Variants in PRELID2 observed in about 807,000 individuals in gnomAD.
The protein encoded by PRELID2 is PRELI domain-containing protein 2.
In PRELID2, 25 loss-of-function variants were observed where a neutral mutation model predicts 28.4. The ratio of observed to expected loss-of-function variants is 0.88; its 90% CI spans 0.64 to 1.23. The LOEUF (loss-of-function observed/expected upper bound fraction) is 1.23. Ranked by LOEUF, PRELID2 falls within the 50% of genes most tolerant of loss-of-function variation. The pLI is 0.00. For synonymous variants in PRELID2, 76 were observed against 71.6 expected (o/e 1.06, Z -0.31); for missense variants, 201 against 214.4 (o/e 0.94, Z 0.39).
chr5:145,559,775 A>G (rs1752910895), intron 1 of PRELID2, among the ~76,000 whole-genome samples: 1 of 152,020 alleles, frequency 6.6e-6, no homozygotes, highest in African/African-American at 2.4e-5. Flanking sequence ...TCAATGTGGA[A>G]CATTTCTCAA....
intron 1 of PRELID2, among the ~76,000 whole-genome samples, chr5:145,703,513 G>T (rs567101372): frequency 6.6e-6 from 1 of 152,184 alleles, no homozygotes; most frequent in African/African-American, 2.4e-5. Context: ...CCAGGGAAAA[G>T]AAAATGTCAG....
intron 1 of PRELID2, among the ~76,000 whole-genome samples, chr5:145,598,874 A>G (rs558650255): frequency 1.3e-5 from 2 of 152,228 alleles, no homozygotes; most frequent in Non-Finnish European, 2.9e-5. Context: ...ATGGTAAGAA[A>G]GAGTTTGCTA....
At chr5:145,608,353 C>T (rs73311530) in intron 1 of PRELID2, among the ~76,000 whole-genome samples, 5,325 of 152,166 alleles carry the variant, frequency 0.035, 283 homozygotes, top group African/African-American at 0.12. Flanking sequence ...TCTCCATACT[C>T]AAGTGTGTCT....
chr5:145,316,743 T>G, the PRELID2 span, among the ~76,000 whole-genome samples: 1 of 152,208 alleles, frequency 6.6e-6, no homozygotes, highest in African/African-American at 2.4e-5. Flanking sequence ...AATACCATGT[T>G]TCCCAGCTTG....
the PRELID2 span, among the ~76,000 whole-genome samples, chr5:145,289,903 T>G: frequency 6.6e-6 from 1 of 152,230 alleles, no homozygotes; most frequent in Non-Finnish European, 1.5e-5. Context: ...ATATGTTTTT[T>G]GGTGAGGTAT....
intron 1 of PRELID2, among the ~76,000 whole-genome samples, chr5:145,702,803 G>A (rs537137059): frequency 6.6e-6 from 1 of 152,080 alleles, no homozygotes; most frequent in Admixed American, 6.5e-5. Flanking sequence ...TACCTACCAG[G>A]GCACCCCTAA....
chr5:145,750,835 A>T (rs1757105851), intron 1 of PRELID2, among the ~76,000 whole-genome samples: 2 of 152,202 alleles, frequency 1.3e-5, no homozygotes, highest in South Asian at 4.1e-4. Flanking sequence ...ATATAATTAC[A>T]AGAATCAAGA....
At chr5:145,322,808 G>A in the PRELID2 span, among the ~76,000 whole-genome samples, 569 of 152,124 alleles carry the variant, frequency 3.7e-3, 4 homozygotes, top group African/African-American at 0.013. Context: ...AGAACTTTGG[G>A]AGGCCGAGGT....
chr5:145,389,163 C>T, the PRELID2 span, among the ~76,000 whole-genome samples: 1 of 152,104 alleles, frequency 6.6e-6, no homozygotes, highest in Non-Finnish European at 1.5e-5. Context: ...GGCTAAGAAC[C>T]ATGCTACATA....
chr5:145,429,231 G>A, the PRELID2 span, among the ~76,000 whole-genome samples: 223 of 152,330 alleles, frequency 1.5e-3, no homozygotes, highest in African/African-American at 5.1e-3. Flanking sequence ...CCTGATGATA[G>A]TGGTAGAGAG....
intron 1 of PRELID2, among the ~76,000 whole-genome samples, chr5:145,522,880 G>A (rs953122876): frequency 2.0e-5 from 3 of 151,664 alleles, no homozygotes; most frequent in Non-Finnish European, 4.4e-5. Flanking sequence ...AACAAGAGGA[G>A]AGAAAAGAAA....
chr5:145,619,642 G>A (rs1397678750), intron 1 of PRELID2, among the ~76,000 whole-genome samples: 1 of 152,128 alleles, frequency 6.6e-6, no homozygotes, highest in Non-Finnish European at 1.5e-5. Context: ...GGTCATTCTG[G>A]AGCTAAAATT....
chr5:145,591,930 T>C (rs919379987), intron 1 of PRELID2, among the ~76,000 whole-genome samples: 1 of 152,218 alleles, frequency 6.6e-6, no homozygotes, highest in African/African-American at 2.4e-5. Context: ...ACCTACTATG[T>C]CAGTCTCACT....
chr5:145,706,710 T>C (rs374746927), intron 1 of PRELID2, among the ~76,000 whole-genome samples: 2 of 152,184 alleles, frequency 1.3e-5, no homozygotes, highest in East Asian at 3.8e-4. Context: ...AAATATAAAA[T>C]AAAATAATAA....
At chr5:145,372,036 G>C in the PRELID2 span, among the ~76,000 whole-genome samples, 3 of 152,014 alleles carry the variant, frequency 2.0e-5, no homozygotes, top group East Asian at 5.8e-4. Flanking sequence ...TAATTGTGAT[G>C]TTAGTGTGCC....
chr5:145,801,929 T>A lies in PRELID2; in HGVS notation c.369-5382A>T, dbSNP rs80276793. ...GCTACTGCCTGGGCTTGGCATAGAA[T>A]TTTCTCTCTCCAGGACCATTGCAAA... On this transcript the variant is annotated intron_variant, in intron 4 of 6. Coordinates refer to ENST00000683046, the MANE Select transcript of PRELID2 (RefSeq NM_205846.3). Among the ~76,000 whole-genome samples, 670 of 152,326 alleles carry A rather than the reference T, an allele frequency of 4.4e-3. 4 individuals carry two copies. The highest frequency in any genetic ancestry group is 6.6e-3 in the Non-Finnish European group (446 of 68,038).
chr5:145,677,351 C>T (rs2149686757), intron 1 of PRELID2, among the ~76,000 whole-genome samples: 1 of 152,056 alleles, frequency 6.6e-6, no homozygotes, highest in Middle Eastern at 3.4e-3. Flanking sequence ...GACAGGGTTT[C>T]ACCATGTTGG....
chr5:145,279,488 G>A, the PRELID2 span, among the ~76,000 whole-genome samples: 1 of 152,120 alleles, frequency 6.6e-6, no homozygotes, highest in Non-Finnish European at 1.5e-5. Flanking sequence ...CTGTAAAATG[G>A]CAATAATAAT....
At chr5:145,386,109 T>C in the PRELID2 span, among the ~76,000 whole-genome samples, 20 of 151,414 alleles carry the variant, frequency 1.3e-4, no homozygotes, top group Non-Finnish European at 2.7e-4. Context: ...GGCTGGGGAG[T>C]CCTCAGGAAA....
Sources: gnomAD v4.1 joint callset for allele counts (sites outside exome capture counted in the v4.1 genomes callset) on GRCh38, gnomAD v4.1.1 for gene constraint, MANE v1.5 for transcripts, NCBI Gene and HGNC (gene_info 2026-07-23, HGNC 2026-07-21) for gene names.